The following UBE2D1 variants were observed in gnomAD, a reference collection of about 807,000 sequenced individuals.
UBE2D1 encodes ubiquitin conjugating enzyme E2 D1.
Under a neutral mutation model 24.6 loss-of-function variants are expected in UBE2D1, and 9 were observed. The ratio of observed to expected loss-of-function variants is 0.37; its 90% CI spans 0.22 to 0.64. The LOEUF is 0.64. Ranked by LOEUF, UBE2D1 falls within the 30% of genes least tolerant of loss-of-function variation. The pLI, the probability that UBE2D1 is intolerant of heterozygous loss-of-function variation, is 0.64. For missense variants in UBE2D1, 87 were observed against 177.1 expected (o/e 0.49, Z 2.89); for synonymous variants, 57 against 57.6 (o/e 0.99, Z 0.04).
intron 3 of UBE2D1, among the ~76,000 whole-genome samples, chr10:58,362,573 T>C (rs1478297014): frequency 6.6e-6 from 1 of 152,134 alleles, no homozygotes; most frequent in Non-Finnish European, 1.5e-5. Context: ...TCACAAATAT[T>C]TTTTAGGTGA....
chr10:58,367,893 G>A (rs543954712), intron 5 of UBE2D1, 30 bp from the exon 6 acceptor site: 23 of 1,453,614 alleles, frequency 1.6e-5, no homozygotes, highest in Non-Finnish European at 2.1e-5. Context: ...AAGGGTTATT[G>A]TCTAATGTGA....
At chr10:58,363,108 G>A (rs1185226525) in intron 3 of UBE2D1, among the ~76,000 whole-genome samples, 1 of 152,020 alleles carries the variant, frequency 6.6e-6, no homozygotes, top group Admixed American at 6.6e-5. Context: ...CATAAATTGT[G>A]TAGCAGGGTC....
In UBE2D1 at chr10:58,367,993, A is replaced by G. The variant is rs1216558511; in HGVS notation, c.375A>G (p.Gln125=). 2 of 1,610,058 alleles carry G rather than the reference A, an allele frequency of 1.2e-6. No individual in the cohort carries two copies. Among genetic ancestry groups the G allele is most frequent in the South Asian group, 2.2e-5 (2 of 90,912 alleles). The change falls in exon 6 of 7, where the codon CAA becomes CAG. Residue 125 remains glutamine, a synonymous_variant. Coordinates refer to ENST00000373910, the MANE Select transcript of UBE2D1 (RefSeq NM_003338.5). ...ACCCCTTAGTACCAGATATTGCACA[A>G]ATCTATAAATCAGACAAAGAAAAGT... ...PDDPLVPDIA[Q]IYKSDKEKYN...
At chr10:58,337,099 T>C (rs911673155) in intron 1 of UBE2D1, among the ~76,000 whole-genome samples, 5 of 151,932 alleles carry the variant, frequency 3.3e-5, no homozygotes, top group Admixed American at 2.0e-4. Flanking sequence ...TGTCCAAATC[T>C]TTTTAGTATT....
Position 58,364,773 on chromosome 10 carries a change from T to C in UBE2D1, c.201T>C (p.Ile67=). The C allele has an allele frequency of 6.2e-7, 1 of 1,610,428 alleles. No individual in the cohort carries two copies. Among genetic ancestry groups the C allele is most frequent in the South Asian group, 1.1e-5 (1 of 90,848 alleles). The change falls in exon 5 of 7, where the codon ATT becomes ATC. Residue 67 remains isoleucine (I), a splice_region_variant and synonymous_variant. Coordinates refer to ENST00000373910, the MANE Select transcript of UBE2D1 (RefSeq NM_003338.5). ...PTDYPFKPPK[I]AFTTKIYHPN... ...TTGTTGTTTTGTTTTATGTTTAGAT[T>C]GCTTTCACAACAAAAATTTACCATC...
chr10:58,350,422 T>C (rs1840061156), intron 1 of UBE2D1, among the ~76,000 whole-genome samples: 1 of 152,198 alleles, frequency 6.6e-6, no homozygotes, highest in South Asian at 2.1e-4. Context: ...GGTAGCTTCT[T>C]TTGCAAAGTG....
At chr10:58,360,068 C>T (rs2132329078) in intron 1 of UBE2D1, among the ~76,000 whole-genome samples, 1 of 152,324 alleles carries the variant, frequency 6.6e-6, no homozygotes. Context: ...TCACCCCCTA[C>T]CTAATGCATT....
intron 1 of UBE2D1, among the ~76,000 whole-genome samples, chr10:58,336,414 G>A (rs1307763336): frequency 6.6e-6 from 1 of 152,170 alleles, no homozygotes; most frequent in Admixed American, 6.5e-5. Flanking sequence ...AGTGACGTAC[G>A]CATTGCATTC....
rs76113649 is a variant in UBE2D1, at chr10:58,351,706, C to T, written c.25-9632C>T. On this transcript the variant is annotated intron_variant, in intron 1 of 6. Transcript: ENST00000373910. ...GATTAAAAGTACAATGTAGTAAATA[C>T]ATGAACCAGTAACATAGTTGTGGAT... 6.2e-4 allele frequency among the ~76,000 whole-genome samples: 94 copies of T among 152,270 alleles called. 1 individual carries two copies. In the East Asian group the frequency reaches 0.016, roughly 26 times the overall value.
intron 1 of UBE2D1, among the ~76,000 whole-genome samples, chr10:58,351,550 G>A (rs944394339): frequency 1.3e-5 from 2 of 152,026 alleles, no homozygotes; most frequent in Admixed American, 1.3e-4. Flanking sequence ...AGGTCTTCAG[G>A]GACAGCATGG....
At chr10:58,345,491 C>T (rs1840006432) in intron 1 of UBE2D1, among the ~76,000 whole-genome samples, 1 of 151,960 alleles carries the variant, frequency 6.6e-6, no homozygotes, top group Non-Finnish European at 1.5e-5. Context: ...CAAGTTAATG[C>T]ATTTATCAAA....
intron 1 of UBE2D1, among the ~76,000 whole-genome samples, chr10:58,347,547 C>T (rs1840029525): frequency 6.6e-6 from 1 of 151,138 alleles, no homozygotes; most frequent in Non-Finnish European, 1.5e-5. Context: ...ATGCCTGGTG[C>T]AGAGAAAACT....
intron 1 of UBE2D1, chr10:58,360,901 G>C: frequency 2.3e-6 from 1 of 438,118 alleles, no homozygotes. Context: ...CATCCTGGGC[G>C]ACAAAGTGAG....
intron 1 of UBE2D1, among the ~76,000 whole-genome samples, chr10:58,352,522 G>C (rs1359648953): frequency 6.6e-6 from 1 of 151,564 alleles, no homozygotes; most frequent in Non-Finnish European, 1.5e-5. Flanking sequence ...GGTAGGGCGG[G>C]AGGATTGCTT....
intron 1 of UBE2D1, among the ~76,000 whole-genome samples, chr10:58,349,188 C>T (rs563156323): frequency 6.6e-5 from 10 of 152,128 alleles, no homozygotes; most frequent in Non-Finnish European, 1.5e-4. Flanking sequence ...AGGCACTATC[C>T]TTTAATTTAC....
Position 58,350,086 on chromosome 10 carries a change from C to T in UBE2D1, c.25-11252C>T, listed in dbSNP as rs936491999. 1.3e-5 allele frequency among the ~76,000 whole-genome samples: 2 copies of T among 152,144 alleles called. 1 individual carries two copies. The highest frequency in any genetic ancestry group is 1.3e-4 in the Admixed American group (2 of 15,268). Reference sequence around the variant, plus strand: ...TCTACTGTTGGTGGACATTGAGTTGCTTCTGGTTTGGGGCTATTACAAATA... The same window carrying T: ...TCTACTGTTGGTGGACATTGAGTTGTTTCTGGTTTGGGGCTATTACAAATA... On this transcript the variant is annotated intron_variant, in intron 1 of 6. Transcript: ENST00000373910.
rs756673553 is a variant in UBE2D1, at chr10:58,335,200, C to G, written c.-2C>G. On this transcript the variant is annotated 5_prime_UTR_variant, in exon 1 of 7. Coordinates refer to ENST00000373910, the MANE Select transcript of UBE2D1 (RefSeq NM_003338.5). ...CGGTGTCCCCACCGCCATCCCTGAC[C>G]CATGGCGCTGAAGAGGATTCAGAAA... is the stretch of plus-strand genomic sequence containing the variant. 13 of 1,548,714 alleles carry G rather than the reference C, an allele frequency of 8.4e-6. No homozygotes were observed. The highest frequency in any genetic ancestry group is 1.1e-5 in the Non-Finnish European group (13 of 1,149,996).
chr10:58,365,688 T>C (rs1023414503), intron 5 of UBE2D1, among the ~76,000 whole-genome samples: 1 of 152,230 alleles, frequency 6.6e-6, no homozygotes, highest in Non-Finnish European at 1.5e-5. Context: ...AATTTATGTC[T>C]TGTTTCTCTG....
In UBE2D1 at chr10:58,367,953, A is replaced by C; in HGVS notation, c.335A>C (p.Asp112Ala). 2 of 1,610,844 alleles carry C rather than the reference A, an allele frequency of 1.2e-6. No individual in the cohort carries two copies. Among genetic ancestry groups the C allele is most frequent in the Non-Finnish European group, 1.7e-6 (2 of 1,177,784 alleles). Reference sequence around the variant, plus strand: ...TTGTCCATATGTTCTCTACTTTGTGATCCTAATCCAGATGACCCCTTAGTA... The same window carrying C: ...TTGTCCATATGTTCTCTACTTTGTGCTCCTAATCCAGATGACCCCTTAGTA... Reference protein sequence around the residue: ...VLLSICSLLCDPNPDDPLVPD... With the variant: ...VLLSICSLLCAPNPDDPLVPD... Residue 112 changes from aspartate (D) to alanine (A), a missense_variant, in exon 6 of 7, where the codon GAT becomes GCT. Transcript: ENST00000373910.
Sources: allele counts gnomAD v4.1 joint callset (sites outside exome capture counted in the v4.1 genomes callset), GRCh38; gene constraint gnomAD v4.1.1; transcripts MANE v1.5; gene names NCBI Gene and HGNC (gene_info 2026-07-23, HGNC 2026-07-21).